The following ZNF385D variants were observed in gnomAD, a reference collection of about 807,000 sequenced individuals.
ZNF385D encodes the protein zinc finger protein 659.
In ZNF385D, 15 loss-of-function variants were observed where a neutral mutation model predicts 35.8. The observed-to-expected ratio is 0.42, with a 90% CI of 0.28 to 0.64. ZNF385D has a LOEUF of 0.64. Ranked by LOEUF, ZNF385D falls within the 30% of genes least tolerant of loss-of-function variation. The probability of loss-of-function intolerance (pLI) is 0.23; values close to 1 mark genes in which losing one functional copy is unlikely to be tolerated. For missense variants in ZNF385D, 474 were observed against 494.6 expected, an observed-to-expected ratio of 0.96 and a Z score of 0.39; for synonymous variants, 212 against 186.8, an observed-to-expected ratio of 1.13 and a Z score of -1.10.
At chr3:21,511,690 A>G in intron 3 of ZNF385D, 1 of 456,482 alleles carries the variant, frequency 2.2e-6, no homozygotes, top group Non-Finnish European at 4.4e-6. Context: ...GCCCCAGTCC[A>G]TTGTTGGGAG....
chr3:22,117,161 C>T (rs570968272), intron 3 of ZNF385D, among the ~76,000 whole-genome samples: 1 of 151,918 alleles, frequency 6.6e-6, no homozygotes, highest in African/African-American at 2.4e-5. Flanking sequence ...TGTTAACAAA[C>T]AGAAAAATCC....
chr3:22,101,647 T>C (rs759762423), intron 3 of ZNF385D, among the ~76,000 whole-genome samples: 3 of 151,960 alleles, frequency 2.0e-5, no homozygotes, highest in South Asian at 2.1e-4. Context: ...TAGCTACTAA[T>C]AGAACAATAG....
chr3:22,317,853 G>C (rs983584136), intron 2 of ZNF385D, among the ~76,000 whole-genome samples: 2 of 152,102 alleles, frequency 1.3e-5, no homozygotes, highest in Non-Finnish European at 2.9e-5. Flanking sequence ...TTGAGGCCAG[G>C]AGTTTGAGAC....
At chr3:22,041,353 C>A (rs1046820080) in intron 3 of ZNF385D, among the ~76,000 whole-genome samples, 1 of 152,096 alleles carries the variant, frequency 6.6e-6, no homozygotes, top group African/African-American at 2.4e-5. Context: ...AGAGAGAAAC[C>A]TAGCTCCACA....
rs1040834172 is a variant in ZNF385D at position 21,663,055 on chromosome 3, C to T, written c.165+1831G>A. ...GTCTTATCGATGGTAACAGGCAGTTCTGAGATTTGAACTTAGTGTAGCTAC... is the reference window on the plus strand; with the variant it reads ...GTCTTATCGATGGTAACAGGCAGTTTTGAGATTTGAACTTAGTGTAGCTAC... On this transcript the variant is annotated intron_variant, in intron 2 of 7. Coordinates refer to ENST00000281523, the MANE Select transcript of ZNF385D (RefSeq NM_024697.3). Among the ~76,000 whole-genome samples the T allele has an allele frequency of 4.6e-5, 7 of 152,048 alleles. No homozygotes were observed. The East Asian group carries it at 5.8e-4, about 13-fold the overall frequency.
intron 2 of ZNF385D, among the ~76,000 whole-genome samples, chr3:22,245,559 T>A (rs1363410305): frequency 6.6e-6 from 1 of 151,932 alleles, no homozygotes; most frequent in Non-Finnish European, 1.5e-5. Flanking sequence ...TCTCCTTAAT[T>A]GGTATTTTAA....
intron 3 of ZNF385D, among the ~76,000 whole-genome samples, chr3:21,913,282 C>T (rs1700051803): frequency 6.6e-6 from 1 of 152,082 alleles, no homozygotes; most frequent in African/African-American, 2.4e-5. Flanking sequence ...TATAATTTCA[C>T]CTGCAGAGTA....
intron 3 of ZNF385D, among the ~76,000 whole-genome samples, chr3:22,046,806 T>C (rs193151477): frequency 3.9e-5 from 6 of 152,154 alleles, no homozygotes; most frequent in Admixed American, 1.3e-4. Context: ...CTAAGTCGAA[T>C]TGTATTTGGA....
chr3:21,712,402 C>T (rs1471382902), intron 1 of ZNF385D, among the ~76,000 whole-genome samples: 1 of 152,190 alleles, frequency 6.6e-6, no homozygotes. Context: ...GCTGATTGAA[C>T]TCACGGTCTC....
intron 3 of ZNF385D, among the ~76,000 whole-genome samples, chr3:21,769,781 C>T (rs1198744381): frequency 1.4e-5 from 2 of 138,796 alleles, no homozygotes; most frequent in Non-Finnish European, 3.1e-5. Context: ...ATTGCCAAGT[C>T]AATCCTAAGC....
intron 3 of ZNF385D, among the ~76,000 whole-genome samples, chr3:21,787,356 A>C (rs1402448921): frequency 6.6e-6 from 1 of 152,204 alleles, no homozygotes; most frequent in Non-Finnish European, 1.5e-5. Flanking sequence ...ACATGGGCAC[A>C]AAGAAAAGAA....
chr3:21,783,019 C>A (rs1222010503), intron 3 of ZNF385D, among the ~76,000 whole-genome samples: 4 of 152,062 alleles, frequency 2.6e-5, no homozygotes, highest in African/African-American at 9.7e-5. Flanking sequence ...TACTTATAGC[C>A]CTGACCCTTA....
intron 1 of ZNF385D, among the ~76,000 whole-genome samples, chr3:21,710,206 G>A (rs553970942): frequency 2.0e-5 from 3 of 152,128 alleles, no homozygotes; most frequent in Non-Finnish European, 4.4e-5. Context: ...TTCATATTTT[G>A]ATTGATGTGG....
intron 4 of ZNF385D, among the ~76,000 whole-genome samples, chr3:21,493,796 G>C (rs897553291): frequency 6.6e-5 from 10 of 152,016 alleles, no homozygotes; most frequent in African/African-American, 2.4e-4. Flanking sequence ...CTGTACTAAA[G>C]ATCACCTTAG....
intron 3 of ZNF385D, among the ~76,000 whole-genome samples, chr3:21,942,228 G>A (rs545190048): frequency 1.3e-5 from 2 of 152,206 alleles, no homozygotes; most frequent in African/African-American, 4.8e-5. Flanking sequence ...TGTTATTCAC[G>A]TAGTTTGTTT....
intron 3 of ZNF385D, among the ~76,000 whole-genome samples, chr3:21,968,285 C>A (rs899312440): frequency 2.0e-5 from 3 of 152,150 alleles, no homozygotes; most frequent in African/African-American, 7.2e-5. Flanking sequence ...AGCCCTCCAC[C>A]ATGGGCTAAA....
At chr3:21,616,961 G>A (rs188123962) in intron 2 of ZNF385D, among the ~76,000 whole-genome samples, 53 of 152,110 alleles carry the variant, frequency 3.5e-4, no homozygotes, top group African/African-American at 1.3e-3. Context: ...TTTTTGAAAG[G>A]TCTCAAAAAA....
chr3:21,442,216 A>G (rs541246664), intron 4 of ZNF385D, among the ~76,000 whole-genome samples: 2 of 152,296 alleles, frequency 1.3e-5, no homozygotes, highest in East Asian at 3.9e-4. Context: ...TCTGGGCAAG[A>G]AATTTATTCC....
At chr3:22,044,915 G>C (rs1018228361) in intron 3 of ZNF385D, among the ~76,000 whole-genome samples, 1 of 152,068 alleles carries the variant, frequency 6.6e-6, no homozygotes, top group Non-Finnish European at 1.5e-5. Flanking sequence ...GCTGTAATTG[G>C]AAGTATGGTG....
Sources: gnomAD v4.1 joint callset for allele counts (sites outside exome capture counted in the v4.1 genomes callset) on GRCh38, gnomAD v4.1.1 for gene constraint, MANE v1.5 for transcripts, NCBI Gene and HGNC (gene_info 2026-07-23, HGNC 2026-07-21) for gene names.